The following C12orf60 variants were observed in gnomAD, a reference collection of about 807,000 sequenced individuals.
The protein encoded by C12orf60 is chromosome 12 open reading frame 60, also known as uncharacterized protein C12orf60.
For synonymous variants in C12orf60, 102 were observed against 94.6 expected, an observed-to-expected ratio of 1.08 and a Z score of -0.45; for missense variants, 284 against 283.2, an observed-to-expected ratio of 1.00 and a Z score of -0.02.
In C12orf60 at chr12:14,823,801, T is replaced by C. The variant is rs1950344039; in HGVS notation, c.*128T>C. ...AGAACATAAGTACACAAAAGTCATC[T>C]GGCAAAACATTTACCTGTAGTTTTG... On this transcript the variant is annotated 3_prime_UTR_variant, in exon 2 of 2. Transcript: ENST00000330828. The C allele has an allele frequency of 1.3e-6, 1 of 747,674 alleles. No homozygotes were observed. The highest frequency in any genetic ancestry group is 1.8e-5 in the African/African-American group (1 of 54,922). The allele number at this position is 747,674 out of a possible 1,614,324, so 46.3% of individuals were successfully genotyped here.
chr12:14,815,686 A>G (rs1310609946), intron 1 of C12orf60, among the ~76,000 whole-genome samples: 1 of 152,210 alleles, frequency 6.6e-6, no homozygotes, highest in African/African-American at 2.4e-5. Context: ...TGGACAATAA[A>G]GCATAAGTTA....
At position 14,823,722 on chromosome 12, in the gene C12orf60, AT is replaced by A. The variant is rs1194133605; in HGVS notation, c.*50del. The A allele has an allele frequency of 2.7e-6, 4 of 1,478,562 alleles. No homozygotes were observed. Among genetic ancestry groups the A allele is most frequent in the Non-Finnish European group, 3.6e-6 (4 of 1,112,838 alleles). 91.6% of individuals were successfully genotyped at this position (1,478,562 alleles called of 1,614,324 possible). A position where few individuals can be genotyped will look rare whatever the true frequency, so the allele number is the denominator to read the frequency against. ...CTGTCAGAAAACTACTTAAAATCTT[AT>A]GGTTTTTCATAGTAGTTTCTAAGAT... On this transcript the variant is annotated 3_prime_UTR_variant, in exon 2 of 2. Coordinates refer to ENST00000330828, the MANE Select transcript of C12orf60 (RefSeq NM_175874.4).
rs760427209 is a variant in C12orf60 at position 14,823,714 on chromosome 12, A to G, written c.*41A>G. ...GTTCATTTCTGTCAGAAAACTACTT[A>G]AAATCTTATGGTTTTTCATAGTAGT... On this transcript the variant is annotated 3_prime_UTR_variant, in exon 2 of 2. Coordinates refer to ENST00000330828, the MANE Select transcript of C12orf60 (RefSeq NM_175874.4). 19 of 1,498,186 alleles carry G rather than the reference A, an allele frequency of 1.3e-5. No homozygotes were observed. The East Asian group carries it at 4.4e-4, about 34-fold the overall frequency. The allele number at this position is 1,498,186 out of a possible 1,614,324, so 92.8% of individuals were successfully genotyped here.
chr12:14,809,287 A>G (rs1243348443), intron 1 of C12orf60, among the ~76,000 whole-genome samples: 1 of 152,216 alleles, frequency 6.6e-6, no homozygotes, highest in Non-Finnish European at 1.5e-5. Flanking sequence ...CTCCTTTTCA[A>G]TTAACTCATT....
chr12:14,815,881 T>C (rs1376799971), intron 1 of C12orf60, among the ~76,000 whole-genome samples: 5 of 152,236 alleles, frequency 3.3e-5, no homozygotes, highest in Non-Finnish European at 7.3e-5. Flanking sequence ...CATCCACTCC[T>C]TTCTCTCCTA....
At chr12:14,814,981 A>T (rs994248118) in intron 1 of C12orf60, among the ~76,000 whole-genome samples, 1 of 152,236 alleles carries the variant, frequency 6.6e-6, no homozygotes, top group Non-Finnish European at 1.5e-5. Context: ...TTGGTGTAAT[A>T]TGAGTATTAG....
At chr12:14,816,280 T>G (rs1950217062) in intron 1 of C12orf60, among the ~76,000 whole-genome samples, 1 of 152,198 alleles carries the variant, frequency 6.6e-6, no homozygotes, top group South Asian at 2.1e-4. Context: ...TAGCTCTCAC[T>G]TGATCGTCTT....
intron 1 of C12orf60, among the ~76,000 whole-genome samples, chr12:14,812,067 G>A (rs1312415594): frequency 6.6e-6 from 1 of 152,128 alleles, no homozygotes; most frequent in Non-Finnish European, 1.5e-5. Flanking sequence ...TTGTTTATAT[G>A]CATAAGTATC....
intron 1 of C12orf60, among the ~76,000 whole-genome samples, chr12:14,818,910 T>A (rs1950266292): frequency 6.6e-6 from 1 of 152,216 alleles, no homozygotes; most frequent in Admixed American, 6.5e-5. Context: ...TATCTTAATA[T>A]TAGATTGTGT....
In C12orf60 at chr12:14,808,917, A is replaced by G. The variant is rs77359371; in HGVS notation, c.-25+5166A>G. Among the ~76,000 whole-genome samples, 182 of 152,306 alleles carry G rather than the reference A, an allele frequency of 1.2e-3. 6 individuals carry two copies. In the East Asian group the frequency reaches 0.031, roughly 26 times the overall value. On this transcript the variant is annotated intron_variant, in intron 1 of 1. Coordinates refer to ENST00000330828, the MANE Select transcript of C12orf60 (RefSeq NM_175874.4). Reference sequence around the variant, plus strand: ...CCAGTAAATATTCTCTAAACTTACAATGGGTTGGAAACTGTAATTTGCTAA... The same window carrying G: ...CCAGTAAATATTCTCTAAACTTACAGTGGGTTGGAAACTGTAATTTGCTAA...
intron 1 of C12orf60, among the ~76,000 whole-genome samples, chr12:14,813,163 T>C (rs1185395248): frequency 1.3e-5 from 2 of 152,334 alleles, no homozygotes; most frequent in East Asian, 1.9e-4. Context: ...GTTTGAACTT[T>C]TCTTATAACA....
Position 14,823,591 on chromosome 12 carries a change from G to A in C12orf60, c.656G>A (p.Gly219Glu). ...DLLEQIVKAMGPILEILQKAI... is the reference protein window; with the variant it reads ...DLLEQIVKAMEPILEILQKAI... ...TTGGAACAAATTGTCAAGGCTATGG[G>A]ACCAATCTTAGAGATCCTCCAAAAA... is the stretch of plus-strand genomic sequence containing the variant. Residue 219 changes from glycine to glutamate, a missense_variant, in exon 2 of 2, where the codon GGA (glycine) becomes GAA (glutamate). Physicochemically the swap from Gly to Glu is moderately conservative, Grantham distance 98. Transcript: ENST00000330828. The A allele has an allele frequency of 6.2e-7, 1 of 1,611,988 alleles. No individual in the cohort carries two copies. The highest frequency in any genetic ancestry group is 8.5e-7 in the Non-Finnish European group (1 of 1,179,462).
intron 1 of C12orf60, among the ~76,000 whole-genome samples, chr12:14,822,129 G>T (rs1950315620): frequency 7.1e-6 from 1 of 141,254 alleles, no homozygotes; most frequent in Non-Finnish European, 1.5e-5. Flanking sequence ...AGGGTGGGGT[G>T]GGGGGGCTAC....
intron 1 of C12orf60, chr12:14,806,400 G>A (rs1268222189): frequency 6.2e-6 from 10 of 1,614,138 alleles, no homozygotes; most frequent in Non-Finnish European, 7.6e-6. Flanking sequence ...TCTATAGAGG[G>A]TTGGCTCTAG....
chr12:14,810,583 T>G (rs1439614659), intron 1 of C12orf60, among the ~76,000 whole-genome samples: 1 of 152,210 alleles, frequency 6.6e-6, no homozygotes, highest in Non-Finnish European at 1.5e-5. Context: ...AAGTAATATG[T>G]CGTACAAAAT....
At chr12:14,806,254 C>G in intron 1 of C12orf60, 1 of 1,614,192 alleles carries the variant, frequency 6.2e-7, no homozygotes, top group South Asian at 1.1e-5. Flanking sequence ...TTAATTATGC[C>G]AGTTGTGACA....
intron 1 of C12orf60, among the ~76,000 whole-genome samples, chr12:14,811,890 C>T (rs1005156260): frequency 1.3e-5 from 2 of 152,074 alleles, no homozygotes; most frequent in African/African-American, 2.4e-5. Context: ...ATGATTTATA[C>T]TTTGATAGAT....
In C12orf60 at chr12:14,823,393, T is replaced by C; in HGVS notation, c.458T>C (p.Leu153Ser). The C allele has an allele frequency of 6.2e-7, 1 of 1,614,062 alleles. No individual in the cohort carries two copies. Among genetic ancestry groups the C allele is most frequent in the South Asian group, 1.1e-5 (1 of 91,080 alleles). ...AAATTCCCCATCATGAATCTTCAAT[T>C]AAGTGACTTCTATACAGAAGACACC... ...LMKFPIMNLQ[L>S]SDFYTEDTKE... Residue 153 changes from leucine (L) to serine (S), a missense_variant, in exon 2 of 2, where the codon TTA (leucine) becomes TCA (serine). Coordinates refer to ENST00000330828, the MANE Select transcript of C12orf60 (RefSeq NM_175874.4).
intron 1 of C12orf60, among the ~76,000 whole-genome samples, chr12:14,816,844 A>G (rs1950227993): frequency 6.6e-6 from 1 of 150,728 alleles, no homozygotes; most frequent in Non-Finnish European, 1.5e-5. Context: ...TCCCAGGTTC[A>G]AGCAATTCTC....
Sources: allele counts gnomAD v4.1 joint callset (sites outside exome capture counted in the v4.1 genomes callset), GRCh38; gene constraint gnomAD v4.1.1; transcripts MANE v1.5; gene names NCBI Gene and HGNC (gene_info 2026-07-23, HGNC 2026-07-21).